Variants in ERLIN1 observed in about 807,000 individuals in gnomAD.
The protein encoded by ERLIN1 is erlin-1.
ERLIN1 carries 24 observed loss-of-function variants against 46.9 expected under a neutral mutation model. The observed-to-expected ratio is 0.51, with a 90% CI of 0.37 to 0.72. The LOEUF (loss-of-function observed/expected upper bound fraction) is 0.72, where lower values mean the gene tolerates loss of function less well. ERLIN1 is among the 30% of genes least tolerant of loss of function. The probability of loss-of-function intolerance (pLI) is 0.00; values close to 1 mark genes in which losing one functional copy is unlikely to be tolerated. For missense variants in ERLIN1, 293 were observed against 417.9 expected (o/e 0.70, Z 2.61); for synonymous variants, 158 against 143.2 (o/e 1.10, Z -0.74).
At chr10:100,152,855 CT>C (rs368798021) in intron 10 of ERLIN1, among the ~76,000 whole-genome samples, 1 of 149,074 alleles carries the variant, frequency 6.7e-6, no homozygotes, top group Non-Finnish European at 1.5e-5. Context: ...TGCACCCAGC[CT>C]TTTTTTTTTC....
chr10:100,179,229 C>T lies in ERLIN1; in HGVS notation c.214G>A (p.Glu72Lys). 1 of 1,596,552 alleles carries T rather than the reference C, an allele frequency of 6.3e-7. No homozygotes were observed. The highest frequency in any genetic ancestry group is 1.1e-5 in the South Asian group (1 of 87,936). Reference sequence around the variant, plus strand: ...GTTCCACAAGGCACATTTTTAACTTCATCAGTTTGTAGTGTTGTCTAGGGA... The same window carrying T: ...GTTCCACAAGGCACATTTTTAACTTTATCAGTTTGTAGTGTTGTCTAGGGA... ...RSVQTTLQTD[E>K]VKNVPCGTSG... The change falls in exon 3 of 11, where the codon GAA (glutamate) becomes AAA (lysine). Residue 72 changes from glutamate to lysine, a missense_variant. Around this residue, in one of 3 missense-constraint regions of ERLIN1, gnomAD observed 148 missense variants for 266.5 expected, o/e 0.56. Transcript: ENST00000421367.
At chr10:100,178,402 TAAAA>T (rs1303046169) in intron 3 of ERLIN1, among the ~76,000 whole-genome samples, 1 of 152,204 alleles carries the variant, frequency 6.6e-6, no homozygotes, top group Non-Finnish European at 1.5e-5. Context: ...ATAAGTAATT[TAAAA>T]AATACCTTGA....
At chr10:100,156,062 C>T in intron 9 of ERLIN1, 83 bp downstream of exon 9, 1 of 819,668 alleles carries the variant, frequency 1.2e-6, no homozygotes, top group Non-Finnish European at 2.1e-6. Context: ...CCTTCTCACC[C>T]ACCACAATCA....
intron 7 of ERLIN1, 58 bp downstream of exon 7, chr10:100,167,290 A>C (rs7086710): frequency 8.2e-7 from 1 of 1,226,464 alleles, no homozygotes; most frequent in Non-Finnish European, 1.2e-6. Context: ...CTAGACTGGA[A>C]TATTAATATG....
chr10:100,173,964 T>C (rs1002859453), intron 6 of ERLIN1, among the ~76,000 whole-genome samples: 15 of 152,180 alleles, frequency 9.9e-5, no homozygotes, highest in African/African-American at 2.7e-4. Flanking sequence ...ATGGCAGAAA[T>C]ATGAATTTTA....
chr10:100,164,184 C>A (rs1843507299), intron 7 of ERLIN1, 89 bp from the exon 8 acceptor site: 1 of 806,314 alleles, frequency 1.2e-6, no homozygotes. Flanking sequence ...AGTCAGAGAA[C>A]CGTTTTGTCA....
At chr10:100,170,543 G>C (rs948093635) in intron 6 of ERLIN1, among the ~76,000 whole-genome samples, 2 of 152,198 alleles carry the variant, frequency 1.3e-5, no homozygotes, top group African/African-American at 4.8e-5. Context: ...AAAAGTGAAA[G>C]TGGGGAAAGA....
intron 10 of ERLIN1, among the ~76,000 whole-genome samples, 174 bp from the exon 11 acceptor site, chr10:100,152,526 C>T (rs1381111127): frequency 6.6e-6 from 1 of 152,156 alleles, no homozygotes; most frequent in African/African-American, 2.4e-5. Context: ...AGCTGCGTTC[C>T]TGACTTAAAA....
chr10:100,155,151 G>C (rs1414605143), intron 9 of ERLIN1, among the ~76,000 whole-genome samples: 2 of 152,120 alleles, frequency 1.3e-5, no homozygotes, highest in Admixed American at 6.5e-5. Flanking sequence ...GAGCCTACTT[G>C]TTTTCTACTC....
chr10:100,172,730 A>C (rs1844073300), intron 6 of ERLIN1, among the ~76,000 whole-genome samples: 1 of 152,214 alleles, frequency 6.6e-6, no homozygotes, highest in Non-Finnish European at 1.5e-5. Context: ...AAGAATGTAC[A>C]TTTGTACAGT....
At chr10:100,176,534 A>G (rs1844315465) in intron 4 of ERLIN1, among the ~76,000 whole-genome samples, 1 of 152,200 alleles carries the variant, frequency 6.6e-6, no homozygotes, top group African/African-American at 2.4e-5. Context: ...GTAGAAATAA[A>G]AGAAGAAAGC....
chr10:100,168,285 T>TA (rs1427570482), intron 6 of ERLIN1, among the ~76,000 whole-genome samples: 1 of 152,236 alleles, frequency 6.6e-6, no homozygotes, highest in African/African-American at 2.4e-5. Flanking sequence ...TTTAAGCACT[T>TA]AGTCTTCTTT....
At position 100,185,948 on chromosome 10, in the gene ERLIN1, CGG is replaced by C; in HGVS notation, c.-324_-323del. Reference sequence around the variant, plus strand: ...AGGCTCGCGAGGAAAGCCGACCCCTCGGCCGCGCCTCACCGATCAGTGACGCA... The same window carrying C: ...AGGCTCGCGAGGAAAGCCGACCCCTCCCGCGCCTCACCGATCAGTGACGCA... On this transcript the variant is annotated 5_prime_UTR_variant, in exon 1 of 11. Transcript: ENST00000421367. 1 of 466,200 alleles carries C rather than the reference CGG, an allele frequency of 2.1e-6. No individual in the cohort carries two copies. The highest frequency in any genetic ancestry group is 3.8e-6 in the Non-Finnish European group (1 of 265,630). The allele number at this position is 466,200 out of a possible 1,614,324, so 28.9% of individuals were successfully genotyped here.
chr10:100,176,925 C>T (rs1844343302), intron 4 of ERLIN1, among the ~76,000 whole-genome samples: 1 of 152,124 alleles, frequency 6.6e-6, no homozygotes, highest in Admixed American at 6.5e-5. Context: ...AGTTCAAGAC[C>T]AGCCTGGCCA....
At chr10:100,167,757 C>A (rs759325094) in intron 6 of ERLIN1, among the ~76,000 whole-genome samples, 23 of 152,112 alleles carry the variant, frequency 1.5e-4, no homozygotes, top group Non-Finnish European at 2.6e-4. Context: ...CCAAAGAAGC[C>A]GGGAAGGCAA....
intron 8 of ERLIN1, among the ~76,000 whole-genome samples, chr10:100,162,305 A>T (rs1273541386): frequency 6.6e-6 from 1 of 152,190 alleles, no homozygotes; most frequent in Non-Finnish European, 1.5e-5. Context: ...CTTTACTAAC[A>T]ATCAGGGAAA....
chr10:100,170,207 T>G (rs1843909976), intron 6 of ERLIN1, among the ~76,000 whole-genome samples: 1 of 152,334 alleles, frequency 6.6e-6, no homozygotes, highest in South Asian at 2.1e-4. Context: ...CATATGGTAA[T>G]GTGTTAAAAA....
At chr10:100,170,470 T>TA (rs1312153352) in intron 6 of ERLIN1, among the ~76,000 whole-genome samples, 1 of 152,086 alleles carries the variant, frequency 6.6e-6, no homozygotes, top group African/African-American at 2.4e-5. Flanking sequence ...AAACAGCAAA[T>TA]AAATATAAGT....
intron 6 of ERLIN1, among the ~76,000 whole-genome samples, chr10:100,172,647 A>G (rs537245786): frequency 1.8e-4 from 27 of 152,350 alleles, no homozygotes; most frequent in African/African-American, 6.0e-4. Context: ...TCCATATGGT[A>G]ACAATCAGTA....
Sources: allele counts gnomAD v4.1 joint callset (sites outside exome capture counted in the v4.1 genomes callset), GRCh38; gene constraint gnomAD v4.1.1; regional missense constraint gnomAD v4.1.1; transcripts MANE v1.5; gene names NCBI Gene and HGNC (gene_info 2026-07-23, HGNC 2026-07-21).